The following PERP variants were observed in gnomAD, a reference collection of about 807,000 sequenced individuals.
PERP encodes the protein p53 apoptosis effector related to PMP-22.
PERP carries 11 observed loss-of-function variants against 20.3 expected under a neutral mutation model. The ratio of observed to expected loss-of-function variants is 0.54; its 90% CI spans 0.34 to 0.90. The LOEUF is 0.90. Among genes scored for constraint, PERP ranks in the 40% least tolerant of loss-of-function variants. The pLI, the probability that PERP is intolerant of heterozygous loss-of-function variation, is 0.02. For synonymous variants in PERP, 101 were observed against 102.0 expected (o/e 0.99, Z 0.06); for missense variants, 224 against 249.4 (o/e 0.90, Z 0.69).
In PERP at chr6:138,088,612, C is replaced by T. The variant is rs1281385182; in HGVS notation, c.*3430G>A. ...GATCATTAACATGACTGGATAGGAACCTCTTTTAATTTCCCTTTCTTGGCT... is the reference window on the plus strand; with the variant it reads ...GATCATTAACATGACTGGATAGGAATCTCTTTTAATTTCCCTTTCTTGGCT... On this transcript the variant is annotated 3_prime_UTR_variant, in exon 3 of 3. Coordinates refer to ENST00000421351, the MANE Select transcript of PERP (RefSeq NM_022121.5). 1.6e-4 allele frequency: 25 copies of T among 152,206 alleles called. No individual in the cohort carries two copies. The highest frequency in any genetic ancestry group is 1.6e-3 in the Admixed American group (25 of 15,282). The allele number at this position is 152,206 out of a possible 1,614,324, so 9.4% of individuals were successfully genotyped here.
chr6:138,107,298 G>A lies in PERP; in HGVS notation c.43C>T (p.Leu15=). Residue 15 remains leucine (L), a synonymous_variant, in exon 1 of 3, where the codon CTG becomes TTG. Transcript: ENST00000421351. This position sits in a 1 kb window ranked among gnomAD's most constrained non-coding sequence, Gnocchi z 4.8. ...GLACERCRWI[L]PLLLLSAIAF... ...ATGGCGCTGAGTAGGAGCAGGGGCA[G>A]GATCCAGCGGCAGCGCTCGCAGGCC... The A allele has an allele frequency of 6.2e-7, 1 of 1,607,400 alleles. No individual in the cohort carries two copies. The highest frequency in any genetic ancestry group is 2.2e-5 in the East Asian group (1 of 44,762).
Position 138,089,406 on chromosome 6 carries a change from GCTACCT to G in PERP, c.*2630_*2635del, listed in dbSNP as rs1374331429. ...TTTGAAGCTAAGTTATTACACACAA[GCTACCT>G]TGTGTGAACATGGAAAGACCTTGAT... is the stretch of plus-strand genomic sequence containing the variant. On this transcript the variant is annotated 3_prime_UTR_variant, in exon 3 of 3. Transcript: ENST00000421351. 7.9e-5 allele frequency: 12 copies of G among 152,154 alleles called. No homozygotes were observed. Among genetic ancestry groups the G allele is most frequent in the African/African-American group, 2.9e-4 (12 of 41,416 alleles). The allele number at this position is 152,154 out of a possible 1,614,324, so 9.4% of individuals were successfully genotyped here.
chr6:138,102,217 T>A (rs996087222), intron 1 of PERP, among the ~76,000 whole-genome samples: 2 of 152,208 alleles, frequency 1.3e-5, no homozygotes, highest in African/African-American at 4.8e-5. Flanking sequence ...TAACCCTTAA[T>A]AACCTTCTTT....
At chr6:138,092,715 A>G (rs1775609577) in intron 2 of PERP, among the ~76,000 whole-genome samples, 1 of 152,214 alleles carries the variant, frequency 6.6e-6, no homozygotes, top group Non-Finnish European at 1.5e-5. Flanking sequence ...ACACACAGGC[A>G]TGCACACATG....
In PERP at chr6:138,091,696, C is replaced by A; in HGVS notation, c.*346G>T. On this transcript the variant is annotated 3_prime_UTR_variant, in exon 3 of 3. Coordinates refer to ENST00000421351, the MANE Select transcript of PERP (RefSeq NM_022121.5). Reference sequence around the variant, plus strand: ...TATTTGGAAATAACAAGAACTTGATCAGATTATTAAATCTTGGAAACCTCA... The same window carrying A: ...TATTTGGAAATAACAAGAACTTGATAAGATTATTAAATCTTGGAAACCTCA... 5.6e-6 allele frequency: 1 copy of A among 179,862 alleles called. No homozygotes were observed. The highest frequency in any genetic ancestry group is 1.2e-5 in the Non-Finnish European group (1 of 85,638). The allele number at this position is 179,862 out of a possible 1,614,324, so 11.1% of individuals were successfully genotyped here.
chr6:138,104,477 G>A (rs2114345468), intron 1 of PERP, among the ~76,000 whole-genome samples: 1 of 152,192 alleles, frequency 6.6e-6, no homozygotes, highest in East Asian at 1.9e-4. Flanking sequence ...ATAGTTCTAA[G>A]GAATTATTTA....
intron 1 of PERP, 55 bp from the exon 2 acceptor site, chr6:138,096,549 T>G: frequency 1.3e-6 from 2 of 1,550,976 alleles, no homozygotes; most frequent in Non-Finnish European, 8.7e-7. Flanking sequence ...AGTTTAAAAA[T>G]TACTTATCAC....
chr6:138,104,185 T>G (rs1015317898), intron 1 of PERP, among the ~76,000 whole-genome samples: 4 of 152,270 alleles, frequency 2.6e-5, no homozygotes, highest in Non-Finnish European at 5.9e-5. Context: ...GCAAAACTAG[T>G]ATGAGTGAAC....
intron 1 of PERP, among the ~76,000 whole-genome samples, chr6:138,105,473 G>T (rs924818682): frequency 3.3e-5 from 5 of 152,168 alleles, no homozygotes; most frequent in African/African-American, 9.7e-5. Context: ...ACCCTAAAAA[G>T]GTGAGCTCAT....
At chr6:138,102,387 C>T (rs992219202) in intron 1 of PERP, among the ~76,000 whole-genome samples, 3 of 152,192 alleles carry the variant, frequency 2.0e-5, no homozygotes, top group African/African-American at 7.2e-5. Context: ...AGGAATTACA[C>T]AGCTCTGTCA....
intron 1 of PERP, among the ~76,000 whole-genome samples, chr6:138,099,818 G>C (rs1279416634): frequency 6.6e-6 from 1 of 152,160 alleles, no homozygotes; most frequent in Non-Finnish European, 1.5e-5. Context: ...CTAAAGCCAA[G>C]ACGTGAACAT....
rs751365193 is a variant in PERP at position 138,091,999 on chromosome 6, T to G, written c.*43A>C. On this transcript the variant is annotated 3_prime_UTR_variant, in exon 3 of 3. Transcript: ENST00000421351. The stretch of plus-strand genomic sequence containing the variant: ...GGAGAAACAGTTTCTTCTTCTGGAG[T>G]CCATCTCAGCAGCAGCGATTTTCTC... The G allele has an allele frequency of 6.4e-7, 1 of 1,564,994 alleles. No individual in the cohort carries two copies. Among genetic ancestry groups the G allele is most frequent in the South Asian group, 1.2e-5 (1 of 86,742 alleles).
At chr6:138,106,638 G>A (rs549733706) in intron 1 of PERP, among the ~76,000 whole-genome samples, 1 of 152,322 alleles carries the variant, frequency 6.6e-6, no homozygotes, top group South Asian at 2.1e-4. Flanking sequence ...TGCTAAAACT[G>A]CCTGAAAGGG....
rs769568527 is a variant in PERP at position 138,091,248 on chromosome 6, A to C, written c.*794T>G. On this transcript the variant is annotated 3_prime_UTR_variant, in exon 3 of 3. Transcript: ENST00000421351. ...AGTCATGATAAATTAGACCCAGTCCATCTTTCAATCCAGTCTACTCTGGTT... is the reference window on the plus strand; with the variant it reads ...AGTCATGATAAATTAGACCCAGTCCCTCTTTCAATCCAGTCTACTCTGGTT... The C allele has an allele frequency of 1.3e-5, 2 of 152,270 alleles. No homozygotes were observed. Among genetic ancestry groups the C allele is most frequent in the Non-Finnish European group, 2.9e-5 (2 of 68,044 alleles). 9.4% of individuals were successfully genotyped at this position (152,270 alleles called of 1,614,324 possible). A position where few individuals can be genotyped will look rare whatever the true frequency, so the allele number is the denominator to read the frequency against.
At chr6:138,105,629 C>A (rs866843397) in intron 1 of PERP, among the ~76,000 whole-genome samples, 1 of 152,192 alleles carries the variant, frequency 6.6e-6, no homozygotes, top group African/African-American at 2.4e-5. Flanking sequence ...GTCAAAGGCA[C>A]GCTAGTCTTA....
At position 138,091,444 on chromosome 6, in the gene PERP, T is replaced by A. The variant is rs538772271; in HGVS notation, c.*598A>T. 6.6e-6 allele frequency: 1 copy of A among 152,450 alleles called. No homozygotes were observed. The highest frequency in any genetic ancestry group is 2.1e-4 in the South Asian group (1 of 4,832). The allele number at this position is 152,450 out of a possible 1,614,324, so 9.4% of individuals were successfully genotyped here. A position where few individuals can be genotyped will look rare whatever the true frequency, so the allele number is the denominator to read the frequency against. On this transcript the variant is annotated 3_prime_UTR_variant, in exon 3 of 3. Transcript: ENST00000421351. ...GACCATGAAATAGTACTTTCCTAGATGACATATCGAGTCAACATGAAGCCT... is the reference window on the plus strand; with the variant it reads ...GACCATGAAATAGTACTTTCCTAGAAGACATATCGAGTCAACATGAAGCCT...
At chr6:138,095,864 A>G (rs1320925431) in intron 2 of PERP, among the ~76,000 whole-genome samples, 2 of 152,188 alleles carry the variant, frequency 1.3e-5, no homozygotes, top group Non-Finnish European at 2.9e-5. Context: ...CATGCTGCAG[A>G]TTCCAGTTCT....
intron 2 of PERP, among the ~76,000 whole-genome samples, chr6:138,095,830 C>T (rs1479549543): frequency 6.6e-6 from 1 of 152,220 alleles, no homozygotes; most frequent in Non-Finnish European, 1.5e-5. Context: ...TGTGTCTGGA[C>T]CACTATTCCC....
chr6:138,102,297 A>C (rs1775786307), intron 1 of PERP, among the ~76,000 whole-genome samples: 1 of 152,246 alleles, frequency 6.6e-6, no homozygotes, highest in Non-Finnish European at 1.5e-5. Context: ...AGGAAAAGTC[A>C]ATCTAAAGAC....
Sources: allele counts gnomAD v4.1 joint callset (sites outside exome capture counted in the v4.1 genomes callset), GRCh38; gene constraint gnomAD v4.1.1; non-coding constraint Gnocchi (gnomAD v3.1); transcripts MANE v1.5; gene names NCBI Gene and HGNC (gene_info 2026-07-23, HGNC 2026-07-21).